DDAH1: variants seen among roughly 807,000 people sequenced by gnomAD.
DDAH1 encodes dimethylarginine dimethylaminohydrolase 1.
A neutral mutation model predicts 28.8 loss-of-function variants in DDAH1; 19 were observed. The observed-to-expected ratio is 0.66, with a 90% CI of 0.46 to 0.97. DDAH1 has a LOEUF of 0.97. DDAH1 is among the 50% of genes least tolerant of loss of function. The probability of loss-of-function intolerance (pLI) is 0.00; values close to 1 mark genes in which losing one functional copy is unlikely to be tolerated. For synonymous variants in DDAH1, 153 were observed against 154.4 expected (o/e 0.99, Z 0.07); for missense variants, 326 against 375.9 (o/e 0.87, Z 1.10).
chr1:85,505,345 C>A (rs1384934290), intron 1 of DDAH1, among the ~76,000 whole-genome samples: 1 of 151,996 alleles, frequency 6.6e-6, no homozygotes, highest in African/African-American at 2.4e-5. Flanking sequence ...AAAAGAAACA[C>A]AGATAAATGG....
At chr1:85,370,796 A>G (rs1239233919) in intron 1 of DDAH1, among the ~76,000 whole-genome samples, 1 of 152,182 alleles carries the variant, frequency 6.6e-6, no homozygotes, top group Non-Finnish European at 1.5e-5. Flanking sequence ...TTCTAATATG[A>G]AAAATTCCAG....
At chr1:85,380,991 C>T (rs1475084487) in intron 1 of DDAH1, among the ~76,000 whole-genome samples, 1 of 151,218 alleles carries the variant, frequency 6.6e-6, no homozygotes, top group African/African-American at 2.4e-5. Flanking sequence ...AATCCCAGCA[C>T]TTTGGGAGGC....
chr1:85,416,942 A>G (rs1292190277), intron 1 of DDAH1, among the ~76,000 whole-genome samples: 2 of 152,206 alleles, frequency 1.3e-5, no homozygotes, highest in Non-Finnish European at 2.9e-5. Flanking sequence ...AGGTGGGATT[A>G]CAAGCATGAG....
intron 2 of DDAH1, among the ~76,000 whole-genome samples, chr1:85,490,107 G>A (rs1174048203): frequency 6.6e-6 from 1 of 152,148 alleles, no homozygotes; most frequent in Non-Finnish European, 1.5e-5. Flanking sequence ...AATGAATGAA[G>A]TTAGTTTTCT....
intron 5 of DDAH1, among the ~76,000 whole-genome samples, chr1:85,323,092 T>C (rs72954629): frequency 1.0e-3 from 153 of 152,312 alleles, no homozygotes; most frequent in African/African-American, 3.5e-3. Context: ...GCCATGGAAA[T>C]AGAAAAAATT....
chr1:85,458,284 A>T (rs1654987575), intron 1 of DDAH1, among the ~76,000 whole-genome samples: 1 of 152,188 alleles, frequency 6.6e-6, no homozygotes, highest in South Asian at 2.1e-4. Context: ...ACATTTAGCA[A>T]CAAAAGTCTA....
At position 85,491,046 on chromosome 1, in the gene DDAH1, CTTTTT is replaced by C. The variant is rs5775843; in HGVS notation, c.-7+5115_-7+5119del. ...TCTAATGACAACAGTAACATGTATT[CTTTTT>C]TTTTTTTTTTTTTTTGAGACAGTCT... On this transcript the variant is annotated intron_variant, in intron 2 of 6. Coordinates refer to the DDAH1 transcript ENST00000426972. Among the ~76,000 whole-genome samples, 12 of 125,628 alleles carry C rather than the reference CTTTTT, an allele frequency of 9.6e-5. 1 individual carries two copies. Among genetic ancestry groups the C allele is most frequent in the Non-Finnish European group, 1.3e-4 (8 of 60,604 alleles). The allele number at this position is 125,628 out of a possible 152,430, so 82.4% of individuals were successfully genotyped here. A position where few individuals can be genotyped will look rare whatever the true frequency, so the allele number is the denominator to read the frequency against.
intron 1 of DDAH1, among the ~76,000 whole-genome samples, chr1:85,369,479 C>T (rs764413108): frequency 2.6e-5 from 4 of 152,128 alleles, no homozygotes; most frequent in Non-Finnish European, 4.4e-5. Context: ...ACAACTCTTA[C>T]GACATTTCAA....
chr1:85,452,538 C>CA (rs199725418), intron 1 of DDAH1, among the ~76,000 whole-genome samples: 6,826 of 146,708 alleles, frequency 0.047, 175 homozygotes, highest in Middle Eastern at 0.1. Context: ...TACAAACAAA[C>CA]AAAAAAAAAA....
At chr1:85,546,454 G>C (rs1658629491) in intron 1 of DDAH1, among the ~76,000 whole-genome samples, 1 of 152,148 alleles carries the variant, frequency 6.6e-6, no homozygotes, top group Non-Finnish European at 1.5e-5. Flanking sequence ...TCCCCAGCTT[G>C]TGGTGGTGTT....
At chr1:85,324,061 C>T (rs192358807) in intron 5 of DDAH1, among the ~76,000 whole-genome samples, 6 of 150,790 alleles carry the variant, frequency 4.0e-5, no homozygotes, top group South Asian at 2.1e-4. Context: ...CTTGAGCTCA[C>T]GAATTTGATA....
chr1:85,533,774 C>T (rs1451501325), intron 1 of DDAH1, among the ~76,000 whole-genome samples: 1 of 152,094 alleles, frequency 6.6e-6, no homozygotes, highest in African/African-American at 2.4e-5. Context: ...AATGAGCTTG[C>T]TAATAAGACC....
Position 85,464,806 on chromosome 1 carries a change from C to T in DDAH1, c.240G>A (p.Val80=), listed in dbSNP as rs756460794. 1.2e-5 allele frequency: 19 copies of T among 1,587,102 alleles called. No homozygotes were observed. The highest frequency in any genetic ancestry group is 4.2e-5 in the African/African-American group (3 of 72,172). Residue 80 remains valine (V), a synonymous_variant, in exon 1 of 6, where the codon GTG becomes GTA. Transcript: ENST00000284031. The surrounding 1 kb of genome is among the most constrained non-coding windows in gnomAD (Gnocchi z 4.4). ...GGGCCGTCTCCTCGCACACCACGGC[C>T]ACGTCCTCCACGAAGACGCAGTCCG... ...SLPDCVFVED[V]AVVCEETALI... is the part of the protein sequence containing the mutation.
rs557732685 is a variant in DDAH1 at position 85,496,359 on chromosome 1, G to A, written c.-122-78C>T. ...TCTAATATATTTCTGTGATGAAATA[G>A]TCTTCTCTAGAGAGAAGAGAATTCA... is the stretch of plus-strand genomic sequence containing the variant. On this transcript the variant is annotated intron_variant, in intron 1 of 6. Coordinates refer to the DDAH1 transcript ENST00000426972. 127 of 234,582 alleles carry A rather than the reference G, an allele frequency of 5.4e-4. 1 individual carries two copies. The South Asian group carries it at 0.017, about 31-fold the overall frequency. 14.5% of individuals were successfully genotyped at this position (234,582 alleles called of 1,614,324 possible).
At chr1:85,545,706 A>G (rs1339533978) in intron 1 of DDAH1, among the ~76,000 whole-genome samples, 1 of 152,224 alleles carries the variant, frequency 6.6e-6, no homozygotes, top group Non-Finnish European at 1.5e-5. Flanking sequence ...TTAGCCAAAT[A>G]AATTCCATTT....
intron 4 of DDAH1, among the ~76,000 whole-genome samples, chr1:85,345,335 T>C (rs554578087): frequency 9.9e-3 from 11 of 1,106 alleles, no homozygotes; most frequent in Non-Finnish European, 0.081. Context: ...TCTTACATTA[T>C]TTTTTTTTTT....
intron 1 of DDAH1, among the ~76,000 whole-genome samples, chr1:85,548,422 T>C (rs1658690253): frequency 6.6e-6 from 1 of 152,206 alleles, no homozygotes; most frequent in Non-Finnish European, 1.5e-5. Flanking sequence ...TTACCCAGCA[T>C]TAGGTCACTT....
At chr1:85,514,452 C>G (rs868220343) in intron 1 of DDAH1, among the ~76,000 whole-genome samples, 1 of 150,768 alleles carries the variant, frequency 6.6e-6, no homozygotes, top group Non-Finnish European at 1.5e-5. Flanking sequence ...ATGGGTGCAG[C>G]AAACCAACAT....
intron 1 of DDAH1, among the ~76,000 whole-genome samples, chr1:85,426,921 C>CAAAAAAAA (rs10680800): frequency 9.1e-5 from 11 of 120,422 alleles, no homozygotes; most frequent in East Asian, 2.4e-4. Flanking sequence ...TTAAAAAAAA[C>CAAAAAAAA]AAAAAAAAAA....
Sources: gnomAD v4.1 joint callset for allele counts (sites outside exome capture counted in the v4.1 genomes callset) on GRCh38, gnomAD v4.1.1 for gene constraint, Gnocchi (gnomAD v3.1) non-coding constraint, MANE v1.5 for transcripts, NCBI Gene and HGNC (gene_info 2026-07-23, HGNC 2026-07-21) for gene names.